LRP1B: variants seen among roughly 807,000 people sequenced by gnomAD.
LRP1B encodes low-density lipoprotein receptor-related protein 1B.
Under a neutral mutation model 556.6 loss-of-function variants are expected in LRP1B, and 217 were observed. The ratio of observed to expected loss-of-function variants is 0.39; its 90% CI spans 0.35 to 0.44. The LOEUF (loss-of-function observed/expected upper bound fraction) is 0.44, where lower values mean the gene tolerates loss of function less well. Ranked by LOEUF, LRP1B falls within the 20% of genes least tolerant of loss-of-function variation. The pLI is 1.00. For missense variants in LRP1B, 5,053 were observed against 5,620.8 expected (o/e 0.90, Z 3.23); for synonymous variants, 2,047 against 1,865.8 (o/e 1.10, Z -2.50).
intron 3 of LRP1B, among the ~76,000 whole-genome samples, chr2:141,282,074 G>T (rs568306099): frequency 6.6e-6 from 1 of 152,082 alleles, no homozygotes; most frequent in East Asian, 1.9e-4. Flanking sequence ...CATAGTGCCT[G>T]TACAAATTTC....
At chr2:141,443,980 TAGCTTG>T (rs1681084858) in intron 3 of LRP1B, among the ~76,000 whole-genome samples, 1 of 152,166 alleles carries the variant, frequency 6.6e-6, no homozygotes, top group African/African-American at 2.4e-5. Flanking sequence ...AAGGCAATGG[TAGCTTG>T]ATGGGTATAG....
rs142437710 is a variant in LRP1B at position 140,883,882 on chromosome 2, T to C, written c.4104A>G (p.Leu1368=). ...TGGCTCCTGCTATTAGTGTAGTTCT[T>C]AGGGAGCCATCTAGTTTGGCCACTT... is the stretch of plus-strand genomic sequence containing the variant. The part of the protein sequence containing the change: ...QIEVAKLDGS[L]RTTLIAGAME... The change falls in exon 25 of 91, where the codon CTA becomes CTG. Residue 1368 remains leucine (L), a synonymous_variant. Coordinates refer to ENST00000389484, the MANE Select transcript of LRP1B (RefSeq NM_018557.3). 1,837 of 1,613,706 alleles carry C rather than the reference T, an allele frequency of 1.1e-3. 3 individuals carry two copies. Among genetic ancestry groups the C allele is most frequent in the Middle Eastern group, 8.3e-3 (50 of 6,014 alleles).
At chr2:141,721,162 A>G (rs1692796884) in intron 2 of LRP1B, among the ~76,000 whole-genome samples, 1 of 152,096 alleles carries the variant, frequency 6.6e-6, no homozygotes, top group South Asian at 2.1e-4. Flanking sequence ...ACTATAAACA[A>G]ACCTTCATGG....
At chr2:140,850,956 T>A (rs1477006237) in intron 28 of LRP1B, among the ~76,000 whole-genome samples, 3 of 152,140 alleles carry the variant, frequency 2.0e-5, no homozygotes, top group African/African-American at 7.2e-5. Context: ...TGTTGTTGTC[T>A]TTCAGGTTAT....
At chr2:141,874,084 A>ATTTTTTT (rs200281267) in intron 1 of LRP1B, among the ~76,000 whole-genome samples, 14 of 103,140 alleles carry the variant, frequency 1.4e-4, no homozygotes, top group Non-Finnish European at 2.0e-4. Context: ...TGAACTAACA[A>ATTTTTTT]TTTTTTTTTT....
intron 33 of LRP1B, 119 bp from the exon 34 acceptor site, chr2:140,771,125 A>G: frequency 1.6e-6 from 1 of 640,972 alleles, no homozygotes; most frequent in Non-Finnish European, 2.6e-6. Flanking sequence ...CAGCTGTTTC[A>G]TACTGGTTAA....
intron 12 of LRP1B, among the ~76,000 whole-genome samples, chr2:141,018,063 T>G (rs1216334388): frequency 6.6e-6 from 1 of 151,596 alleles, no homozygotes; most frequent in African/African-American, 2.4e-5. Flanking sequence ...ATGAGAATTC[T>G]TAAACACACA....
chr2:142,112,593 T>C (rs543252636), intron 1 of LRP1B, among the ~76,000 whole-genome samples: 1 of 152,228 alleles, frequency 6.6e-6, no homozygotes, highest in Admixed American at 6.6e-5. Flanking sequence ...CATTGCTCTG[T>C]GATTTTCCAG....
intron 1 of LRP1B, among the ~76,000 whole-genome samples, chr2:141,815,418 T>A (rs1222204390): frequency 6.6e-6 from 1 of 152,144 alleles, no homozygotes; most frequent in African/African-American, 2.4e-5. Flanking sequence ...ATCAGCACTC[T>A]GTAGCTAGGA....
chr2:140,456,439 C>A lies in LRP1B; in HGVS notation c.9963+16G>T. 1.2e-6 allele frequency: 2 copies of A among 1,608,984 alleles called. No individual in the cohort carries two copies. Among genetic ancestry groups the A allele is most frequent in the East Asian group, 2.2e-5 (1 of 44,802 alleles). On this transcript the variant is annotated intron_variant, in intron 62 of 90. Coordinates refer to ENST00000389484, the MANE Select transcript of LRP1B (RefSeq NM_018557.3). ...CACCATACACTCTATAATAAGATTC[C>A]CAGACCTCCACTCACCTGGCTGGCT...
At chr2:141,893,616 T>A (rs1298885684) in intron 1 of LRP1B, among the ~76,000 whole-genome samples, 2 of 152,180 alleles carry the variant, frequency 1.3e-5, no homozygotes, top group African/African-American at 4.8e-5. Context: ...TATTGCCAAA[T>A]GGATGAAGTC....
At chr2:141,952,928 AT>A (rs1259856191) in intron 1 of LRP1B, among the ~76,000 whole-genome samples, 2 of 152,046 alleles carry the variant, frequency 1.3e-5, no homozygotes, top group Non-Finnish European at 2.9e-5. Context: ...TGTCTAGAAG[AT>A]TTTTTACCGT....
intron 2 of LRP1B, among the ~76,000 whole-genome samples, chr2:141,485,131 A>G (rs1421264790): frequency 1.3e-5 from 2 of 152,160 alleles, no homozygotes; most frequent in Non-Finnish European, 2.9e-5. Context: ...GTTTAGGGAC[A>G]AGAGAGAAAT....
At chr2:140,947,421 A>G (rs1011976176) in intron 20 of LRP1B, among the ~76,000 whole-genome samples, 1 of 152,154 alleles carries the variant, frequency 6.6e-6, no homozygotes, top group African/African-American at 2.4e-5. Context: ...GAGCAATTAT[A>G]TGGTGGATTT....
At chr2:141,556,992 A>T (rs1247923917) in intron 2 of LRP1B, among the ~76,000 whole-genome samples, 1 of 151,740 alleles carries the variant, frequency 6.6e-6, no homozygotes. Context: ...AGAGGATTGG[A>T]TGTAAATAAT....
At chr2:140,504,505 A>G (rs1689323259) in intron 53 of LRP1B, among the ~76,000 whole-genome samples, 1 of 152,136 alleles carries the variant, frequency 6.6e-6, no homozygotes, top group Non-Finnish European at 1.5e-5. Context: ...GAAAATTAAT[A>G]TTACTTATCC....
At chr2:141,361,813 A>G (rs16845935) in intron 3 of LRP1B, among the ~76,000 whole-genome samples, 9,888 of 152,258 alleles carry the variant, frequency 0.065, 448 homozygotes, top group African/African-American at 0.12. Flanking sequence ...TTGTTAAAAC[A>G]ATACTTACTT....
chr2:140,881,425 A>T (rs1239424079), intron 25 of LRP1B, among the ~76,000 whole-genome samples: 1 of 152,126 alleles, frequency 6.6e-6, no homozygotes, highest in African/African-American at 2.4e-5. Flanking sequence ...CTAAAAATGT[A>T]TATTTTAAAA....
rs188108201 is a variant in LRP1B at position 141,098,879 on chromosome 2, A to G, written c.1014-36606T>C. Among the ~76,000 whole-genome samples, 386 of 151,246 alleles carry G rather than the reference A, an allele frequency of 2.6e-3. 1 individual carries two copies. The highest frequency in any genetic ancestry group is 6.8e-3 in the Middle Eastern group (2 of 292). On this transcript the variant is annotated intron_variant, in intron 7 of 90. Transcript: ENST00000389484. Reference sequence around the variant, plus strand: ...TCCATGTTGGTCAGGCTGGTCTTGAACTCCCGATCTCAGGTAATCCGCCCG... The same window carrying G: ...TCCATGTTGGTCAGGCTGGTCTTGAGCTCCCGATCTCAGGTAATCCGCCCG...
Sources: gnomAD v4.1 joint callset for allele counts (sites outside exome capture counted in the v4.1 genomes callset) on GRCh38, gnomAD v4.1.1 for gene constraint, MANE v1.5 for transcripts, NCBI Gene and HGNC (gene_info 2026-07-23, HGNC 2026-07-21) for gene names.